Variants in NEGR1 observed in about 807,000 individuals in gnomAD.
The protein encoded by NEGR1 is neuronal growth regulator 1.
NEGR1 carries 10 observed loss-of-function variants against 40.9 expected under a neutral mutation model. That is an observed-to-expected ratio of 0.24 (90% CI 0.15 to 0.42). The LOEUF is 0.42. NEGR1 is among the 10% of genes least tolerant of loss of function. The probability of loss-of-function intolerance (pLI) is 1.00; values close to 1 mark genes in which losing one functional copy is unlikely to be tolerated. For missense variants in NEGR1, 352 were observed against 438.9 expected (o/e 0.80, Z 1.77); for synonymous variants, 185 against 166.8 (o/e 1.11, Z -0.84).
intron 3 of NEGR1, among the ~76,000 whole-genome samples, chr1:71,770,284 C>T (rs1018931550): frequency 1.3e-5 from 2 of 152,152 alleles, no homozygotes; most frequent in African/African-American, 2.4e-5. Context: ...AGTTCTGGTG[C>T]TCTTTGCATA....
chr1:72,240,026 G>A (rs1654682951), intron 1 of NEGR1, among the ~76,000 whole-genome samples: 1 of 151,814 alleles, frequency 6.6e-6, no homozygotes. Context: ...CTAGTGTGAG[G>A]CAGTAAGAAG....
At chr1:72,256,326 T>A (rs1655270203) in intron 1 of NEGR1, among the ~76,000 whole-genome samples, 1 of 152,228 alleles carries the variant, frequency 6.6e-6, no homozygotes, top group South Asian at 2.1e-4. Context: ...CTCATCCAGC[T>A]GGAGATTCCA....
At chr1:72,243,841 T>C (rs1190666649) in intron 1 of NEGR1, among the ~76,000 whole-genome samples, 1 of 151,844 alleles carries the variant, frequency 6.6e-6, no homozygotes, top group African/African-American at 2.4e-5. Flanking sequence ...AAAATAAGTA[T>C]ATTAATTTCT....
chr1:72,192,010 T>C lies in NEGR1; in HGVS notation c.176+90309A>G, dbSNP rs936051226. Among the ~76,000 whole-genome samples the C allele has an allele frequency of 2.0e-5, 3 of 151,982 alleles. No individual in the cohort carries two copies. In the Admixed American group the frequency reaches 2.0e-4, roughly 10 times the overall value. ...AATACTGTTTTATCTCATATAAAATTATAGTCTTTACTTGTTTTATTTGAA... is the reference window on the plus strand; with the variant it reads ...AATACTGTTTTATCTCATATAAAATCATAGTCTTTACTTGTTTTATTTGAA... On this transcript the variant is annotated intron_variant, in intron 1 of 6. Transcript: ENST00000357731.
At chr1:71,894,239 GA>G (rs201115661) in intron 2 of NEGR1, among the ~76,000 whole-genome samples, 10,609 of 127,530 alleles carry the variant, frequency 0.083, 270 homozygotes, top group African/African-American at 0.14. Context: ...AATAAAAAAA[GA>G]AAAAAAAAAA....
chr1:72,118,257 C>T (rs1433054687), intron 1 of NEGR1, among the ~76,000 whole-genome samples: 3 of 151,828 alleles, frequency 2.0e-5, no homozygotes, highest in African/African-American at 7.3e-5. Context: ...TACTTGTGGC[C>T]AAACCCCAAC....
intron 1 of NEGR1, among the ~76,000 whole-genome samples, chr1:72,080,104 G>T (rs1235994769): frequency 6.6e-6 from 1 of 152,014 alleles, no homozygotes; most frequent in Non-Finnish European, 1.5e-5. Flanking sequence ...CAATCCCCAT[G>T]ATGTTCATAT....
At chr1:72,250,034 G>A (rs900187539) in intron 1 of NEGR1, among the ~76,000 whole-genome samples, 8 of 152,298 alleles carry the variant, frequency 5.3e-5, no homozygotes, top group African/African-American at 1.2e-4. Flanking sequence ...CTTTTAGGAT[G>A]TGATTAACAT....
intron 3 of NEGR1, among the ~76,000 whole-genome samples, chr1:71,744,359 A>ATAG (rs1655316190): frequency 6.8e-6 from 1 of 148,134 alleles, no homozygotes; most frequent in Non-Finnish European, 1.5e-5. Context: ...AATAATAATA[A>ATAG]TAATAATAAT....
intron 1 of NEGR1, among the ~76,000 whole-genome samples, chr1:72,111,792 G>C (rs1423216817): frequency 6.6e-6 from 1 of 151,764 alleles, no homozygotes; most frequent in Non-Finnish European, 1.5e-5. Flanking sequence ...GAGCTTCTGG[G>C]TGTCATGAAA....
At chr1:72,271,644 A>C (rs542657075) in intron 1 of NEGR1, among the ~76,000 whole-genome samples, 1 of 151,998 alleles carries the variant, frequency 6.6e-6, no homozygotes, top group Non-Finnish European at 1.5e-5. Context: ...TTCAAACTTC[A>C]ATACGTACAG....
intron 4 of NEGR1, among the ~76,000 whole-genome samples, chr1:71,614,747 G>A (rs560180772): frequency 6.5e-4 from 99 of 152,238 alleles, no homozygotes; most frequent in African/African-American, 2.2e-3. Flanking sequence ...CCGGAACATT[G>A]CCTGAAAACC....
At chr1:72,142,973 C>G (rs1570033755) in intron 1 of NEGR1, among the ~76,000 whole-genome samples, 1 of 151,740 alleles carries the variant, frequency 6.6e-6, no homozygotes, top group African/African-American at 2.4e-5. Flanking sequence ...TCCTTGAAAC[C>G]AAAGGAGAAA....
chr1:71,590,197 T>A (rs530034471), intron 6 of NEGR1, among the ~76,000 whole-genome samples: 17 of 152,286 alleles, frequency 1.1e-4, no homozygotes, highest in African/African-American at 3.6e-4. Context: ...TGTGTCACTA[T>A]ACTTTGTGCA....
At chr1:71,469,864 C>CT (rs1484313666) in intron 6 of NEGR1, among the ~76,000 whole-genome samples, 1 of 152,090 alleles carries the variant, frequency 6.6e-6, no homozygotes, top group Non-Finnish European at 1.5e-5. Flanking sequence ...TAGAGTTGAT[C>CT]TTTTTCCACA....
intron 1 of NEGR1, among the ~76,000 whole-genome samples, chr1:72,207,957 C>T (rs941533625): frequency 2.0e-5 from 3 of 151,504 alleles, no homozygotes; most frequent in African/African-American, 7.3e-5. Context: ...ATAAAGGTGA[C>T]GATTTAACAA....
intron 6 of NEGR1, among the ~76,000 whole-genome samples, chr1:71,588,416 C>T (rs1649379504): frequency 6.6e-6 from 1 of 152,080 alleles, no homozygotes. Context: ...CTCTGCCTTT[C>T]CTTCTCTTCC....
chr1:71,688,403 T>TAAAAGATATATATATAA (rs57483006), intron 4 of NEGR1, among the ~76,000 whole-genome samples: 1 of 30,148 alleles, frequency 3.3e-5, no homozygotes, highest in African/African-American at 1.2e-4. Context: ...AATATATATA[T>TAAAAGATATATATATAA]AAGATATATA....
intron 1 of NEGR1, among the ~76,000 whole-genome samples, chr1:72,055,771 T>C (rs943603172): frequency 1.4e-5 from 2 of 147,414 alleles, no homozygotes; most frequent in African/African-American, 4.9e-5. Context: ...TACTATACTG[T>C]ATGTAATCTA....
Sources: gnomAD v4.1 joint callset for allele counts (sites outside exome capture counted in the v4.1 genomes callset) on GRCh38, gnomAD v4.1.1 for gene constraint, MANE v1.5 for transcripts, NCBI Gene and HGNC (gene_info 2026-07-23, HGNC 2026-07-21) for gene names.